EFCAB8: variants seen among roughly 807,000 people sequenced by gnomAD.
EFCAB8 encodes the protein EF-hand calcium binding domain 8.
A neutral mutation model predicts 116.3 loss-of-function variants in EFCAB8; 100 were observed. That is an observed-to-expected ratio of 0.86 (90% CI 0.73 to 1.02). EFCAB8 has a LOEUF of 1.02. Among genes scored for constraint, EFCAB8 ranks in the 50% least tolerant of loss-of-function variants. The pLI is 0.00. For missense variants in EFCAB8, 1,320 were observed against 1,416.9 expected, an observed-to-expected ratio of 0.93 and a Z score of 1.10; for synonymous variants, 558 against 567.9, an observed-to-expected ratio of 0.98 and a Z score of 0.25.
chr20:32,859,045 A>C, intron 1 of EFCAB8, 39 bp downstream of exon 1: 1 of 471,146 alleles, frequency 2.1e-6, no homozygotes, highest in Non-Finnish European at 4.4e-6. Flanking sequence ...TCTCCAAAAG[A>C]TTGGATACCT....
chr20:32,883,938 GCCTCCTGACCTCAAGTAAT>G (rs1769475173), intron 5 of EFCAB8, among the ~76,000 whole-genome samples: 2 of 152,126 alleles, frequency 1.3e-5, no homozygotes, highest in East Asian at 1.9e-4. Flanking sequence ...TGGTCTGCCC[GCCTCCTGACCTCAAGTAAT>G]CCTCCTGACC....
Position 32,917,494 on chromosome 20 carries a change from C to T in EFCAB8, c.2050C>T (p.Gln684Ter). The part of the protein sequence containing the change: ...FNASRSPSPL[Q>*]PKRVQDVNNC... ...TGCCTCTAGGAGCCCCTCGCCCTTG[C>T]AGCCCAAGAGGGTATGTTAACAGGA... The change falls in exon 18 of 27, where the codon CAG becomes TAG. Residue 684 changes from glutamine (Q) to a stop codon, truncating the protein, a stop_gained. Coordinates refer to ENST00000400522, the MANE Select transcript of EFCAB8 (RefSeq NM_001143967.2). LOFTEE classifies it high-confidence loss of function. 6.4e-7 allele frequency: 1 copy of T among 1,551,716 alleles called. No homozygotes were observed. The highest frequency in any genetic ancestry group is 8.7e-7 in the Non-Finnish European group (1 of 1,146,916).
intron 1 of EFCAB8, among the ~76,000 whole-genome samples, chr20:32,860,830 C>G (rs1984077076): frequency 6.6e-6 from 1 of 152,140 alleles, no homozygotes; most frequent in Non-Finnish European, 1.5e-5. Flanking sequence ...CCTCAAACTT[C>G]TGGATGCAGG....
At chr20:32,917,131 A>C in intron 17 of EFCAB8, 170 bp from the exon 18 acceptor site, 2 of 595,412 alleles carry the variant, frequency 3.4e-6, no homozygotes, top group Admixed American at 3.0e-5. Context: ...AGCATGTAGT[A>C]AGCGCTTAGT....
chr20:32,901,651 C>T (rs778429829), intron 11 of EFCAB8, among the ~76,000 whole-genome samples: 11 of 152,248 alleles, frequency 7.2e-5, no homozygotes, highest in African/African-American at 1.2e-4. Flanking sequence ...TGCACAGCTC[C>T]GCTGTCTGTG....
At chr20:32,952,782 A>G (rs1988840579) in intron 23 of EFCAB8, among the ~76,000 whole-genome samples, 1 of 152,200 alleles carries the variant, frequency 6.6e-6, no homozygotes, top group Non-Finnish European at 1.5e-5. Flanking sequence ...CTGAAGTCCA[A>G]CTTACCAAGT....
intron 17 of EFCAB8, among the ~76,000 whole-genome samples, chr20:32,913,375 C>T (rs868779453): frequency 6.6e-6 from 1 of 152,110 alleles, no homozygotes; most frequent in East Asian, 1.9e-4. Flanking sequence ...GCACTAATCC[C>T]ATTCATGAGG....
intron 26 of EFCAB8, among the ~76,000 whole-genome samples, chr20:32,960,754 C>A (rs542202747): frequency 2.0e-5 from 3 of 152,232 alleles, no homozygotes. Flanking sequence ...GAAGGCCATG[C>A]CCCTGCAGGG....
At chr20:32,885,043 G>A (rs1048003335) in intron 5 of EFCAB8, among the ~76,000 whole-genome samples, 9 of 152,128 alleles carry the variant, frequency 5.9e-5, no homozygotes, top group African/African-American at 2.2e-4. Flanking sequence ...TTCATCCTTC[G>A]GTTCTGTTCC....
intron 5 of EFCAB8, among the ~76,000 whole-genome samples, chr20:32,879,617 C>T (rs13042651): frequency 0.42 from 63,183 of 151,938 alleles, 15,310 homozygotes; most frequent in Non-Finnish European, 0.55. Flanking sequence ...GGTTTTCATG[C>T]TAGGTTCAAT....
rs1235752464 is a variant in EFCAB8 at position 32,911,677 on chromosome 20, G to C, written c.1755G>C (p.Leu585=). Residue 585 remains leucine (L), a synonymous_variant, in exon 16 of 27, where the codon CTG becomes CTC. Coordinates refer to ENST00000400522, the MANE Select transcript of EFCAB8 (RefSeq NM_001143967.2). ...GGAACTACAACATTGGCAAATGCCTGTTGACCTTTCCCAGTCCGGAACAGC... is the reference window on the plus strand; with the variant it reads ...GGAACTACAACATTGGCAAATGCCTCTTGACCTTTCCCAGTCCGGAACAGC... ...KMWNYNIGKC[L]LTFPSPEQLE... 1.3e-6 allele frequency: 2 copies of C among 1,551,776 alleles called. No homozygotes were observed. Among genetic ancestry groups the C allele is most frequent in the Non-Finnish European group, 1.7e-6 (2 of 1,147,006 alleles).
At position 32,892,183 on chromosome 20, in the gene EFCAB8, G is replaced by T. The variant is rs993613786; in HGVS notation, c.674-30G>T. The T allele has an allele frequency of 9.7e-6, 15 of 1,540,982 alleles. 1 individual carries two copies. The African/African-American group carries it at 1.8e-4, about 18-fold the overall frequency. On this transcript the variant is annotated intron_variant, in intron 7 of 26. Transcript: ENST00000400522. ...GAAGACCTCCCAGGCATGGCTGTGG[G>T]CTCTATGTGGCCTTCTGTCTTTCCC...
chr20:32,864,201 T>G (rs1463470775), intron 2 of EFCAB8, among the ~76,000 whole-genome samples: 1 of 150,742 alleles, frequency 6.6e-6, no homozygotes. Context: ...GGTCTCAAAC[T>G]CCTGACCTCA....
At chr20:32,867,895 C>A in intron 3 of EFCAB8, 148 bp downstream of exon 3, 2 of 918,464 alleles carry the variant, frequency 2.2e-6, no homozygotes, top group Non-Finnish European at 1.6e-6. Flanking sequence ...GTCTGGAGTG[C>A]AGTGGTGTGA....
At chr20:32,873,080 C>G (rs955689466) in intron 3 of EFCAB8, among the ~76,000 whole-genome samples, 2 of 151,962 alleles carry the variant, frequency 1.3e-5, no homozygotes, top group African/African-American at 4.8e-5. Flanking sequence ...GCAATAAGAG[C>G]AAAACTCCAT....
At chr20:32,951,033 G>A (rs770307453) in intron 23 of EFCAB8, among the ~76,000 whole-genome samples, 1 of 152,142 alleles carries the variant, frequency 6.6e-6, no homozygotes, top group Non-Finnish European at 1.5e-5. Context: ...AATTAAAACC[G>A]CTGTAAGATA....
chr20:32,901,438 C>T lies in EFCAB8; in HGVS notation c.1088+2815C>T, dbSNP rs1392239670. ...TGAGGCCCATGGGCTGTGAGTTGGA[C>T]AAGCTTGGTGTATAAGATATGTGTT... On this transcript the variant is annotated intron_variant, in intron 11 of 26. Coordinates refer to ENST00000400522, the MANE Select transcript of EFCAB8 (RefSeq NM_001143967.2). Among the ~76,000 whole-genome samples, 3 of 152,236 alleles carry T rather than the reference C, an allele frequency of 2.0e-5. No homozygotes were observed. The East Asian group carries it at 5.8e-4, about 29-fold the overall frequency.
intron 23 of EFCAB8, among the ~76,000 whole-genome samples, chr20:32,944,890 A>G (rs934064660): frequency 4.6e-5 from 7 of 151,980 alleles, no homozygotes; most frequent in Non-Finnish European, 8.8e-5. Flanking sequence ...ATTTATTCAG[A>G]TAAGCTTTTT....
chr20:32,912,888 A>T, intron 17 of EFCAB8, 24 bp downstream of exon 17: 1 of 715,668 alleles, frequency 1.4e-6, no homozygotes, highest in Non-Finnish European at 2.6e-6. Flanking sequence ...ATGTATGGTG[A>T]GTAGGTTCCA....
Sources: gnomAD v4.1 joint callset for allele counts (sites outside exome capture counted in the v4.1 genomes callset) on GRCh38, gnomAD v4.1.1 for gene constraint, MANE v1.5 for transcripts, NCBI Gene and HGNC (gene_info 2026-07-23, HGNC 2026-07-21) for gene names.